The following LIMK1 variants were observed in gnomAD, a reference collection of about 807,000 sequenced individuals.
LIMK1 encodes the protein LIM domain kinase 1, also known as LIM motif-containing protein kinase.
Under a neutral mutation model 77.6 loss-of-function variants are expected in LIMK1, and 21 were observed. The ratio of observed to expected loss-of-function variants is 0.27; its 90% CI spans 0.19 to 0.39. LIMK1 has a LOEUF of 0.39. Ranked by LOEUF, LIMK1 falls within the 10% of genes least tolerant of loss-of-function variation. The pLI, the probability that LIMK1 is intolerant of heterozygous loss-of-function variation, is 1.00. For missense variants in LIMK1, 696 were observed against 901.6 expected, an observed-to-expected ratio of 0.77 and a Z score of 2.92; for synonymous variants, 358 against 370.0, an observed-to-expected ratio of 0.97 and a Z score of 0.37.
At chr7:74,093,707 G>T (rs1310748132) in intron 2 of LIMK1, among the ~76,000 whole-genome samples, 2 of 152,120 alleles carry the variant, frequency 1.3e-5, no homozygotes, top group African/African-American at 4.8e-5. Flanking sequence ...CTCAGGGAGG[G>T]GTACCCTGGA....
chr7:74,084,083 G>T (rs782703762), intron 1 of LIMK1, 38 bp downstream of exon 1: 5 of 1,268,016 alleles, frequency 3.9e-6, no homozygotes, highest in East Asian at 6.1e-5. Context: ...GGGCCTGGAG[G>T]GGGTGCCCGG....
rs141325537 is a variant in LIMK1 at position 74,115,163 on chromosome 7, C to T, written c.1411-639C>T. Among the ~76,000 whole-genome samples, 52 of 152,302 alleles carry T rather than the reference C, an allele frequency of 3.4e-4. No individual in the cohort carries two copies. The East Asian group carries it at 7.1e-3, about 21-fold the overall frequency. On this transcript the variant is annotated intron_variant, in intron 12 of 15. Coordinates refer to ENST00000336180, the MANE Select transcript of LIMK1 (RefSeq NM_002314.4). ...TCTTGATGGGCACAGTGGCTCACACCTGTAATCCCAGCACTTTGGTAGGCC... is the reference window on the plus strand; with the variant it reads ...TCTTGATGGGCACAGTGGCTCACACTTGTAATCCCAGCACTTTGGTAGGCC...
chr7:74,118,172 T>G (rs1297731431), intron 13 of LIMK1, among the ~76,000 whole-genome samples: 1 of 150,212 alleles, frequency 6.7e-6, no homozygotes, highest in Admixed American at 6.7e-5. Context: ...GTCAAGAGAT[T>G]GAGACCATCC....
chr7:74,098,306 C>G (rs1183769512), intron 4 of LIMK1, among the ~76,000 whole-genome samples: 1 of 152,156 alleles, frequency 6.6e-6, no homozygotes, highest in Admixed American at 6.6e-5. Context: ...AGTCTCCCTC[C>G]CAGGAATCAG....
At chr7:74,084,288 T>TC (rs1369672587) in intron 1 of LIMK1, among the ~76,000 whole-genome samples, 2 of 150,380 alleles carry the variant, frequency 1.3e-5, no homozygotes, top group South Asian at 2.1e-4. Context: ...TCCTCCCACG[T>TC]CCCCCCGCGA....
rs868936614 is a variant in LIMK1 at position 74,094,857 on chromosome 7, C to T, written c.153-1765C>T. Among the ~76,000 whole-genome samples the T allele has an allele frequency of 1.2e-4, 18 of 152,044 alleles. No individual in the cohort carries two copies. In the Middle Eastern group the frequency reaches 0.01, roughly 86 times the overall value. On this transcript the variant is annotated intron_variant, in intron 2 of 15. Coordinates refer to ENST00000336180, the MANE Select transcript of LIMK1 (RefSeq NM_002314.4). ...CCACCACCTCCGGTGGCCCAGCCTC[C>T]GCATTCCCCACCCCCATGGAGGAAT... is the stretch of plus-strand genomic sequence containing the variant.
At chr7:74,102,484 CTTTT>C (rs71094754) in intron 5 of LIMK1, among the ~76,000 whole-genome samples, 5 of 54,066 alleles carry the variant, frequency 9.2e-5, no homozygotes, top group South Asian at 9.5e-4. Flanking sequence ...AGGACCTTCT[CTTTT>C]TTTTTTTTTT....
At chr7:74,103,057 G>A (rs942444447) in intron 5 of LIMK1, among the ~76,000 whole-genome samples, 13 of 151,592 alleles carry the variant, frequency 8.6e-5, no homozygotes, top group Non-Finnish European at 1.2e-4. Context: ...TATTAGAGAC[G>A]GGGTTTTACC....
At chr7:74,088,542 C>T (rs782503226) in intron 2 of LIMK1, among the ~76,000 whole-genome samples, 9 of 152,002 alleles carry the variant, frequency 5.9e-5, no homozygotes, top group South Asian at 4.2e-4. Context: ...GGCTCATCCC[C>T]GTAATCCCAG....
chr7:74,117,635 C>G (rs1554699772), intron 13 of LIMK1, among the ~76,000 whole-genome samples: 1 of 152,076 alleles, frequency 6.6e-6, no homozygotes, highest in African/African-American at 2.4e-5. Flanking sequence ...ATCACCTCAT[C>G]ATAGTTAACC....
chr7:74,087,650 C>T (rs1554694231), intron 2 of LIMK1, among the ~76,000 whole-genome samples: 5 of 150,864 alleles, frequency 3.3e-5, no homozygotes, highest in African/African-American at 9.7e-5. Context: ...GGAGCAGTGG[C>T]GCGATCCCTC....
chr7:74,116,942 C>T (rs1036609468), intron 13 of LIMK1, among the ~76,000 whole-genome samples: 14 of 151,846 alleles, frequency 9.2e-5, no homozygotes, highest in Non-Finnish European at 1.5e-4. Context: ...AGTGCAGTGG[C>T]GTGATCTCAG....
intron 5 of LIMK1, among the ~76,000 whole-genome samples, chr7:74,105,420 C>A (rs1313310219): frequency 6.6e-6 from 1 of 150,598 alleles, no homozygotes; most frequent in South Asian, 2.1e-4. Context: ...GGCTGAGGTA[C>A]GAGAATCGCT....
rs781918060 is a variant in LIMK1 at position 74,096,725 on chromosome 7, G to A, written c.256G>A (p.Gly86Arg). 4 of 1,612,870 alleles carry A rather than the reference G, an allele frequency of 2.5e-6. No individual in the cohort carries two copies. The highest frequency in any genetic ancestry group is 3.4e-6 in the Non-Finnish European group (4 of 1,179,266). Residue 86 changes from glycine (G) to arginine (R), a missense_variant, in exon 3 of 16, where the codon GGG becomes AGG. Physicochemically the swap from Gly to Arg is moderately radical, Grantham distance 125. Coordinates refer to ENST00000336180, the MANE Select transcript of LIMK1 (RefSeq NM_002314.4). ...GGCCCGCTATGGCGAGTCCTGCCAT[G>A]GGTGCTCTGAGCAAATCACCAAGGG... The part of the protein sequence containing the change: ...YWARYGESCH[G>R]CSEQITKGLV...
chr7:74,106,298 A>G, intron 7 of LIMK1, 55 bp downstream of exon 7: 1 of 1,545,792 alleles, frequency 6.5e-7, no homozygotes, highest in Non-Finnish European at 8.7e-7. Context: ...GCTGGGGCTC[A>G]GGGGCTGTGG....
At position 74,107,963 on chromosome 7, in the gene LIMK1, T is replaced by G; in HGVS notation, c.1152+6T>G. ...AGAGGACGTTCCTCAAGGAGGTCAG[T>G]GAGCGGAATGCCCTCTTCCCTCCAG... On this transcript the variant is annotated splice_donor_region_variant and intron_variant, in intron 9 of 15. Coordinates refer to ENST00000336180, the MANE Select transcript of LIMK1 (RefSeq NM_002314.4). 1 of 1,554,798 alleles carries G rather than the reference T, an allele frequency of 6.4e-7. No homozygotes were observed.
At position 74,099,253 on chromosome 7, in the gene LIMK1, T is replaced by A. The variant is rs1799406715; in HGVS notation, c.608+15T>A. 1.3e-6 allele frequency: 2 copies of A among 1,599,564 alleles called. No individual in the cohort carries two copies. Among genetic ancestry groups the A allele is most frequent in the Non-Finnish European group, 1.7e-6 (2 of 1,178,500 alleles). On this transcript the variant is annotated intron_variant, in intron 5 of 15. Coordinates refer to ENST00000336180, the MANE Select transcript of LIMK1 (RefSeq NM_002314.4). ...CGCGTCCAGGGGTGAGTGGCCGGCC[T>A]GCCGAGGCTGCCGTCGGTGTGGCTA... is the stretch of plus-strand genomic sequence containing the variant.
intron 13 of LIMK1, among the ~76,000 whole-genome samples, chr7:74,118,454 A>G (rs1799865985): frequency 6.6e-6 from 1 of 150,996 alleles, no homozygotes; most frequent in Non-Finnish European, 1.5e-5. Flanking sequence ...AAAGAAGACT[A>G]TAAAACAGTC....
At chr7:74,088,878 A>C (rs545328204) in intron 2 of LIMK1, among the ~76,000 whole-genome samples, 4 of 151,634 alleles carry the variant, frequency 2.6e-5, no homozygotes, top group Non-Finnish European at 5.9e-5. Flanking sequence ...CTGTTGAAGA[A>C]TGCCATCCCA....
Sources: allele counts gnomAD v4.1 joint callset (sites outside exome capture counted in the v4.1 genomes callset), GRCh38; gene constraint gnomAD v4.1.1; transcripts MANE v1.5; gene names NCBI Gene and HGNC (gene_info 2026-07-23, HGNC 2026-07-21).